The following TGM4 variants were observed in gnomAD, a reference collection of about 807,000 sequenced individuals.
TGM4 encodes protein-glutamine gamma-glutamyltransferase 4.
A neutral mutation model predicts 76.3 loss-of-function variants in TGM4; 61 were observed. That is an observed-to-expected ratio of 0.80 (90% CI 0.65 to 0.99). The LOEUF is 0.99. TGM4 is among the 50% of genes least tolerant of loss of function. The pLI, the probability that TGM4 is intolerant of heterozygous loss-of-function variation, is 0.00. For synonymous variants in TGM4, 337 were observed against 329.8 expected (o/e 1.02, Z -0.24); for missense variants, 794 against 843.2 (o/e 0.94, Z 0.72).
chr3:44,886,336 G>A (rs1011042880), intron 2 of TGM4, among the ~76,000 whole-genome samples: 5 of 151,796 alleles, frequency 3.3e-5, no homozygotes, highest in Admixed American at 1.3e-4. Context: ...GTGAAACTCC[G>A]TCTCAAAAAA....
intron 4 of TGM4, among the ~76,000 whole-genome samples, chr3:44,892,072 C>T (rs1249842421): frequency 6.6e-6 from 1 of 151,806 alleles, no homozygotes; most frequent in African/African-American, 2.4e-5. Flanking sequence ...TCCTGGATAA[C>T]ATGGTGAAAC....
At chr3:44,889,381 A>T (rs1473062359) in intron 3 of TGM4, among the ~76,000 whole-genome samples, 2 of 151,946 alleles carry the variant, frequency 1.3e-5, no homozygotes, top group African/African-American at 4.8e-5. Flanking sequence ...AATGTGGCAC[A>T]TCCTATGTCA....
intron 2 of TGM4, among the ~76,000 whole-genome samples, chr3:44,886,622 C>A (rs1296663572): frequency 6.6e-6 from 1 of 152,164 alleles, no homozygotes; most frequent in African/African-American, 2.4e-5. Flanking sequence ...ATGTGCATTC[C>A]CTCACCCAAA....
chr3:44,898,505 C>T (rs942844993), intron 6 of TGM4, among the ~76,000 whole-genome samples: 1 of 152,128 alleles, frequency 6.6e-6, no homozygotes, highest in African/African-American at 2.4e-5. Context: ...GTTTTGATCA[C>T]AGAACTTGGA....
intron 9 of TGM4, among the ~76,000 whole-genome samples, chr3:44,904,912 C>A (rs1699902356): frequency 6.6e-6 from 1 of 152,072 alleles, no homozygotes; most frequent in Non-Finnish European, 1.5e-5. Context: ...AAACTCCTGA[C>A]CTCACGTGCT....
At position 44,913,806 on chromosome 3, in the gene TGM4, A is replaced by C. The variant is rs912689282; in HGVS notation, c.*81A>C. 2 of 1,535,196 alleles carry C rather than the reference A, an allele frequency of 1.3e-6. No homozygotes were observed. Among genetic ancestry groups the C allele is most frequent in the Non-Finnish European group, 1.7e-6 (2 of 1,144,020 alleles). Reference sequence around the variant, plus strand: ...TTAGCTTTCAGATTATGGATGATTAAATTTGATGACTTATATGAGGGCAGA... The same window carrying C: ...TTAGCTTTCAGATTATGGATGATTACATTTGATGACTTATATGAGGGCAGA... On this transcript the variant is annotated 3_prime_UTR_variant, in exon 14 of 14. Coordinates refer to ENST00000296125, the MANE Select transcript of TGM4 (RefSeq NM_003241.4).
At chr3:44,910,576 G>T (rs1699989991) in intron 11 of TGM4, among the ~76,000 whole-genome samples, 1 of 152,194 alleles carries the variant, frequency 6.6e-6, no homozygotes, top group Non-Finnish European at 1.5e-5. Context: ...TGGACTAGGA[G>T]CCTGGGTCTA....
At chr3:44,875,160 CAAT>C (rs1452365812) in intron 1 of TGM4, among the ~76,000 whole-genome samples, 1 of 152,220 alleles carries the variant, frequency 6.6e-6, no homozygotes, top group Non-Finnish European at 1.5e-5. Flanking sequence ...AACACCATTT[CAAT>C]ACTGTTATCC....
intron 8 of TGM4, 112 bp downstream of exon 8, chr3:44,902,043 T>C: frequency 7.6e-7 from 1 of 1,316,586 alleles, no homozygotes; most frequent in Non-Finnish European, 1.0e-6. Flanking sequence ...TGAACTGGTG[T>C]CAAGCAGTCC....
intron 9 of TGM4, 116 bp downstream of exon 9, chr3:44,904,103 C>T (rs1461576945): frequency 2.2e-6 from 2 of 906,208 alleles, no homozygotes; most frequent in Non-Finnish European, 3.4e-6. Flanking sequence ...ATAAAAATTT[C>T]CCAAAACAAA....
chr3:44,883,866 G>C (rs1699564163), intron 1 of TGM4, among the ~76,000 whole-genome samples: 1 of 152,234 alleles, frequency 6.6e-6, no homozygotes, highest in Non-Finnish European at 1.5e-5. Context: ...TGAAAGCCCA[G>C]TTTCCATGGC....
chr3:44,888,252 T>A (rs1699640337), intron 3 of TGM4: 1 of 169,764 alleles, frequency 5.9e-6, no homozygotes, highest in Non-Finnish European at 1.3e-5. Context: ...CGGTGGCTGG[T>A]TTTCCACCCT....
At position 44,914,919 on chromosome 3, in the gene TGM4, T is replaced by C. The variant is rs1441308258; in HGVS notation, c.*1194T>C. 4.6e-5 allele frequency: 7 copies of C among 152,200 alleles called. No homozygotes were observed. Among genetic ancestry groups the C allele is most frequent in the Non-Finnish European group, 8.8e-5 (6 of 68,054 alleles). The allele number at this position is 152,200 out of a possible 1,614,324, so 9.4% of individuals were successfully genotyped here. ...GTCCAAGTGAAAAAAACCTCAATCC[T>C]GGTCACCCTTGCCCAAGTTGCCCAC... On this transcript the variant is annotated 3_prime_UTR_variant, in exon 14 of 14. Transcript: ENST00000296125.
intron 11 of TGM4, 37 bp downstream of exon 11, chr3:44,910,405 C>A: frequency 6.3e-7 from 1 of 1,594,430 alleles, no homozygotes; most frequent in Non-Finnish European, 8.6e-7. Context: ...CTCAAGTGGG[C>A]TCAGGGTCCC....
chr3:44,909,945 C>A, intron 10 of TGM4, 145 bp from the exon 11 acceptor site: 1 of 821,950 alleles, frequency 1.2e-6, no homozygotes, highest in Non-Finnish European at 1.9e-6. Flanking sequence ...TTGAATGATC[C>A]TCTGTGTGAA....
chr3:44,909,960 TAGCTC>T, intron 10 of TGM4, 125 bp from the exon 11 acceptor site: 3 of 959,306 alleles, frequency 3.1e-6, no homozygotes, highest in Non-Finnish European at 4.7e-6. Context: ...TGTGAATCTA[TAGCTC>T]ATGGGCTCCA....
At chr3:44,905,141 T>C (rs1241961112) in intron 9 of TGM4, among the ~76,000 whole-genome samples, 2 of 152,166 alleles carry the variant, frequency 1.3e-5, no homozygotes, top group Non-Finnish European at 2.9e-5. Flanking sequence ...CCTGCCACCA[T>C]GCCTGACTAA....
chr3:44,877,289 A>G (rs1699462825), intron 1 of TGM4, among the ~76,000 whole-genome samples: 1 of 152,160 alleles, frequency 6.6e-6, no homozygotes, highest in Non-Finnish European at 1.5e-5. Flanking sequence ...TCTACTAAAA[A>G]ATACAAAAAT....
In TGM4 at chr3:44,879,265, C is replaced by CTCTATA. The variant is rs1482970491; in HGVS notation, c.19+4569_19+4570insCTATAT. On this transcript the variant is annotated intron_variant, in intron 1 of 13. Transcript: ENST00000296125. Reference sequence around the variant, plus strand: ...TCTCTCTCTCTCTCTCTCTCTCTCTCTATATATATATATATATATATAGTT... The same window carrying CTCTATA: ...TCTCTCTCTCTCTCTCTCTCTCTCTCTCTATATATATATATATATATATATATAGTT... Among the ~76,000 whole-genome samples, 168 of 92,258 alleles carry CTCTATA rather than the reference C, an allele frequency of 1.8e-3. 1 individual carries two copies. Among genetic ancestry groups the CTCTATA allele is most frequent in the African/African-American group, 2.4e-3 (54 of 22,656 alleles). 60.5% of individuals were successfully genotyped at this position (92,258 alleles called of 152,430 possible).
Sources: allele counts gnomAD v4.1 joint callset (sites outside exome capture counted in the v4.1 genomes callset), GRCh38; gene constraint gnomAD v4.1.1; transcripts MANE v1.5; gene names NCBI Gene and HGNC (gene_info 2026-07-23, HGNC 2026-07-21).